PDZRN4: variants seen among roughly 807,000 people sequenced by gnomAD.
PDZRN4 encodes the protein PDZ domain containing ring finger 4.
Under a neutral mutation model 99.0 loss-of-function variants are expected in PDZRN4, and 70 were observed. The ratio of observed to expected loss-of-function variants is 0.71; its 90% confidence interval spans 0.58 to 0.86. The LOEUF is 0.86. Ranked by LOEUF, PDZRN4 falls within the 40% of genes least tolerant of loss-of-function variation. The pLI, the probability that PDZRN4 is intolerant of heterozygous loss-of-function variation, is 0.00. For missense variants in PDZRN4, 1,474 were observed against 1,331.2 expected, an observed-to-expected ratio of 1.11 and a Z score of -1.67; for synonymous variants, 551 against 501.6, an observed-to-expected ratio of 1.10 and a Z score of -1.32.
chr12:41,302,680 A>G (rs988806102), intron 3 of PDZRN4, among the ~76,000 whole-genome samples: 4 of 152,054 alleles, frequency 2.6e-5, no homozygotes, highest in African/African-American at 9.7e-5. Flanking sequence ...TTATATTGTT[A>G]AAAATTCTTC....
chr12:41,551,199 T>C (rs1296342239), intron 5 of PDZRN4, among the ~76,000 whole-genome samples: 4 of 152,054 alleles, frequency 2.6e-5, no homozygotes, highest in Non-Finnish European at 5.9e-5. Context: ...ACCTTCTCAC[T>C]GTGTCTGTCC....
chr12:41,298,227 A>T (rs1210955096), intron 3 of PDZRN4, among the ~76,000 whole-genome samples: 1 of 152,168 alleles, frequency 6.6e-6, no homozygotes, highest in Non-Finnish European at 1.5e-5. Flanking sequence ...ATATAGGTCA[A>T]ATATATTTTA....
chr12:41,361,380 T>C (rs1951962667), intron 3 of PDZRN4, among the ~76,000 whole-genome samples: 1 of 152,054 alleles, frequency 6.6e-6, no homozygotes, highest in Non-Finnish European at 1.5e-5. Flanking sequence ...CCACTTTTAA[T>C]TTTTACTTAA....
At chr12:41,198,486 T>C (rs1424908592) in intron 3 of PDZRN4, among the ~76,000 whole-genome samples, 1 of 151,708 alleles carries the variant, frequency 6.6e-6, no homozygotes, top group Admixed American at 6.6e-5. Context: ...TTTTAGTGTA[T>C]ATATTAAAAT....
At chr12:41,523,904 C>T (rs1938529909) in intron 5 of PDZRN4, among the ~76,000 whole-genome samples, 1 of 152,136 alleles carries the variant, frequency 6.6e-6, no homozygotes, top group Non-Finnish European at 1.5e-5. Flanking sequence ...GAGGTATGAA[C>T]ATATAAAATC....
At chr12:41,343,388 A>G (rs1951830336) in intron 3 of PDZRN4, among the ~76,000 whole-genome samples, 1 of 151,896 alleles carries the variant, frequency 6.6e-6, no homozygotes, top group Non-Finnish European at 1.5e-5. Flanking sequence ...TTATCTTTTC[A>G]AGGAACCATC....
Position 41,328,672 on chromosome 12 carries a change from A to T in PDZRN4, c.843+134484A>T, listed in dbSNP as rs115458543. Among the ~76,000 whole-genome samples the T allele has an allele frequency of 9.4e-3, 1,438 of 152,274 alleles. 16 individuals carry two copies. The highest frequency in any genetic ancestry group is 0.028 in the African/African-American group (1,178 of 41,574). ...GTGTCTAAGTTCTTTCTAAGAGCCC[A>T]TCAGCATGGAGGATGGTGCTGCTTT... On this transcript the variant is annotated intron_variant, in intron 3 of 9. Transcript: ENST00000402685.
intron 5 of PDZRN4, among the ~76,000 whole-genome samples, chr12:41,526,208 A>C (rs996697619): frequency 6.6e-6 from 1 of 152,132 alleles, no homozygotes; most frequent in Non-Finnish European, 1.5e-5. Context: ...TACTAAAACC[A>C]TATGTCTTAG....
chr12:41,542,945 GT>G (rs1231073440), intron 5 of PDZRN4, among the ~76,000 whole-genome samples: 3 of 151,978 alleles, frequency 2.0e-5, no homozygotes, highest in Non-Finnish European at 4.4e-5. Flanking sequence ...AATTGCTTAT[GT>G]TTTATATAAG....
intron 3 of PDZRN4, among the ~76,000 whole-genome samples, chr12:41,233,388 C>T (rs1046135274): frequency 6.6e-6 from 1 of 152,196 alleles, no homozygotes; most frequent in East Asian, 1.9e-4. Context: ...GGCGATTCCT[C>T]AGGGATCGAG....
At chr12:41,548,264 A>G (rs1187478804) in intron 5 of PDZRN4, among the ~76,000 whole-genome samples, 1 of 152,200 alleles carries the variant, frequency 6.6e-6, no homozygotes, top group African/African-American at 2.4e-5. Flanking sequence ...TACTGAAGCA[A>G]TATTTTTATA....
chr12:41,463,632 A>G (rs1952894340), intron 3 of PDZRN4, among the ~76,000 whole-genome samples: 1 of 152,174 alleles, frequency 6.6e-6, no homozygotes, highest in Admixed American at 6.5e-5. Flanking sequence ...AAAATAGAAT[A>G]CTATAGGGTG....
intron 3 of PDZRN4, among the ~76,000 whole-genome samples, chr12:41,324,973 C>T (rs1048403535): frequency 3.9e-5 from 6 of 152,088 alleles, no homozygotes; most frequent in African/African-American, 1.4e-4. Context: ...CATCTGTGCT[C>T]ACATTATATT....
chr12:41,250,373 C>G (rs1295018593), intron 3 of PDZRN4, among the ~76,000 whole-genome samples: 2 of 152,118 alleles, frequency 1.3e-5, no homozygotes, highest in African/African-American at 4.8e-5. Flanking sequence ...ATTCCACCAC[C>G]ATCTTGCTTT....
Position 41,458,496 on chromosome 12 carries a change from T to C in PDZRN4, c.844-47960T>C, listed in dbSNP as rs1952837702. ...TAGGTAGTTAGAAATCTTCAAATTC[T>C]TTCAGAAAAGAAGTGGCAAGATCAG... On this transcript the variant is annotated intron_variant, in intron 3 of 9. Transcript: ENST00000402685. 1.3e-5 allele frequency among the ~76,000 whole-genome samples: 2 copies of C among 152,328 alleles called. 1 individual carries two copies. Among genetic ancestry groups the C allele is most frequent in the South Asian group, 4.1e-4 (2 of 4,828 alleles).
chr12:41,319,900 C>T (rs1951663732), intron 3 of PDZRN4, among the ~76,000 whole-genome samples: 1 of 152,234 alleles, frequency 6.6e-6, no homozygotes, highest in African/African-American at 2.4e-5. Flanking sequence ...TAGCCCTACC[C>T]TTTTCTGCAA....
intron 3 of PDZRN4, among the ~76,000 whole-genome samples, chr12:41,416,622 A>G (rs532635681): frequency 6.6e-6 from 1 of 152,306 alleles, no homozygotes; most frequent in East Asian, 1.9e-4. Flanking sequence ...GCACCAATGC[A>G]CTCCAGCCTG....
intron 3 of PDZRN4, among the ~76,000 whole-genome samples, chr12:41,214,252 T>TAA (rs60618442): frequency 0.039 from 3,333 of 84,712 alleles, 307 homozygotes; most frequent in African/African-American, 0.13. Flanking sequence ...ACCCTGTATT[T>TAA]AAAAAAAAAA....
chr12:41,501,016 T>C (rs1374961626), intron 3 of PDZRN4, among the ~76,000 whole-genome samples: 1 of 152,152 alleles, frequency 6.6e-6, no homozygotes, highest in Non-Finnish European at 1.5e-5. Flanking sequence ...GGAGATCTTG[T>C]AGACTAACCA....
Sources: allele counts gnomAD v4.1 joint callset (sites outside exome capture counted in the v4.1 genomes callset), GRCh38; gene constraint gnomAD v4.1.1; transcripts MANE v1.5; gene names NCBI Gene and HGNC (gene_info 2026-07-23, HGNC 2026-07-21).